The following MASP2 variants were observed in gnomAD, a reference collection of about 807,000 sequenced individuals.
The protein encoded by MASP2 is mannan-binding lectin serine protease 2.
In MASP2, 49 loss-of-function variants were observed where a neutral mutation model predicts 57.1. That is an observed-to-expected ratio of 0.86 (90% CI 0.68 to 1.09). The LOEUF (loss-of-function observed/expected upper bound fraction) is 1.09. MASP2 is among the 50% of genes least tolerant of loss of function. The pLI is 0.00. For missense variants in MASP2, 900 were observed against 874.8 expected (o/e 1.03, Z -0.36); for synonymous variants, 379 against 340.8 (o/e 1.11, Z -1.24).
chr1:11,031,955 A>C (rs545501267), intron 8 of MASP2, among the ~76,000 whole-genome samples: 2 of 152,220 alleles, frequency 1.3e-5, no homozygotes, highest in African/African-American at 4.8e-5. Flanking sequence ...TAATAAATTG[A>C]AGTTTTTAGA....
At chr1:11,043,154 C>A (rs1046418451) in intron 5 of MASP2, 132 bp from the exon 6 acceptor site, 4 of 1,058,232 alleles carry the variant, frequency 3.8e-6, no homozygotes, top group Non-Finnish European at 5.5e-6. Context: ...TGGGGTGCCC[C>A]TCCCCACTCT....
chr1:11,030,275 A>G, intron 9 of MASP2, 25 bp from the exon 10 acceptor site: 2 of 1,528,838 alleles, frequency 1.3e-6, no homozygotes, highest in South Asian at 1.1e-5. Flanking sequence ...AAAAGCAAAA[A>G]TGTTTAACTG....
In MASP2 at chr1:11,027,178, T is replaced by C; in HGVS notation, c.1768A>G (p.Ile590Val). 6.2e-7 allele frequency: 1 copy of C among 1,614,236 alleles called. No individual in the cohort carries two copies. The highest frequency in any genetic ancestry group is 8.5e-7 in the Non-Finnish European group (1 of 1,180,054). Residue 590 changes from isoleucine (I) to valine (V), a missense_variant, in exon 11 of 11, where the codon ATA becomes GTA. Ile to Val is a conservative substitution (Grantham distance 29, BLOSUM62 3). Coordinates refer to ENST00000400897, the MANE Select transcript of MASP2 (RefSeq NM_006610.4). Reference sequence around the variant, plus strand: ...CATTTTTGATGGTCAACAATCGGTATGTCGACATACATTAGATTTCTAGCA... The same window carrying C: ...CATTTTTGATGGTCAACAATCGGTACGTCGACATACATTAGATTTCTAGCA... ...FLARNLMYVDIPIVDHQKCTA... is the reference protein window; with the variant it reads ...FLARNLMYVDVPIVDHQKCTA...
rs776835079 is a variant in MASP2 at position 11,037,741 on chromosome 1, C to G, written c.960G>C (p.Leu320=). The change falls in exon 7 of 11, where the codon CTG becomes CTC. Residue 320 remains leucine, a synonymous_variant. Coordinates refer to ENST00000400897, the MANE Select transcript of MASP2 (RefSeq NM_006610.4). ...CGCAAAAGATGGAGAAGCTGTCTTT[C>G]AGGATGTATTTGGCTTGCACAGGTG... The part of the protein sequence containing the change: ...HVSPVQAKYI[L]KDSFSIFCET... 4.5e-5 allele frequency: 72 copies of G among 1,612,936 alleles called. No individual in the cohort carries two copies. Among genetic ancestry groups the G allele is most frequent in the Non-Finnish European group, 5.8e-5 (69 of 1,179,674 alleles).
At chr1:11,029,949 C>T in intron 10 of MASP2, 1 of 391,376 alleles carries the variant, frequency 2.6e-6, no homozygotes, top group South Asian at 5.4e-5. Context: ...TTATGCTTGC[C>T]TAGTTATAAG....
chr1:11,045,247 G>T, intron 4 of MASP2, 161 bp downstream of exon 4: 2 of 1,053,094 alleles, frequency 1.9e-6, no homozygotes, highest in East Asian at 2.5e-5. Flanking sequence ...CTGCTGAGAG[G>T]GGAAGCAGGG....
intron 6 of MASP2, 54 bp from the exon 7 acceptor site, chr1:11,037,865 A>G: frequency 9.8e-7 from 1 of 1,021,406 alleles, no homozygotes; most frequent in South Asian, 1.5e-5. Flanking sequence ...AGCAGCCAAG[A>G]CTGAATCGAG....
chr1:11,032,101 T>G (rs1229052707), intron 8 of MASP2, among the ~76,000 whole-genome samples: 1 of 151,208 alleles, frequency 6.6e-6, no homozygotes, highest in Non-Finnish European at 1.5e-5. Flanking sequence ...GCTGGGTATG[T>G]GGCACGTGCC....
At position 11,027,149 on chromosome 1, in the gene MASP2, A is replaced by G. The variant is rs1643749664; in HGVS notation, c.1797T>C (p.Thr599=). The change falls in exon 11 of 11, where the codon ACT becomes ACC. Residue 599 remains threonine (T), a synonymous_variant. Transcript: ENST00000400897. The part of the protein sequence containing the change: ...DIPIVDHQKC[T]AAYEKPPYPR... ...GATAGGGTGGCTTTTCATATGCAGC[A>G]GTACATTTTTGATGGTCAACAATCG... The G allele has an allele frequency of 6.2e-7, 1 of 1,613,970 alleles. No homozygotes were observed. Among genetic ancestry groups the G allele is most frequent in the Non-Finnish European group, 8.5e-7 (1 of 1,179,976 alleles).
intron 6 of MASP2, among the ~76,000 whole-genome samples, chr1:11,039,860 A>C (rs368156687): frequency 4.3e-4 from 54 of 126,166 alleles, no homozygotes; most frequent in African/African-American, 1.5e-3. Context: ...AGGTAGGTGG[A>C]TAGAAGGATG....
Position 11,026,879 on chromosome 1 carries a change from C to A in MASP2, c.*6G>T, listed in dbSNP as rs777732467. 6.1e-6 allele frequency: 9 copies of A among 1,473,656 alleles called. No homozygotes were observed. Among genetic ancestry groups the A allele is most frequent in the African/African-American group, 1.4e-5 (1 of 69,736 alleles). The allele number at this position is 1,473,656 out of a possible 1,614,324, so 91.3% of individuals were successfully genotyped here. On this transcript the variant is annotated 3_prime_UTR_variant, in exon 11 of 11. Coordinates refer to ENST00000400897, the MANE Select transcript of MASP2 (RefSeq NM_006610.4). The stretch of plus-strand genomic sequence containing the variant: ...AATGAAGAATCCTTGACTGCAGACA[C>A]GCAAGTTAAAAATCACTAATTATGT...
intron 4 of MASP2, 33 bp from the exon 5 acceptor site, chr1:11,043,568 C>T (rs761850554): frequency 4.6e-6 from 7 of 1,507,186 alleles, no homozygotes; most frequent in Admixed American, 1.9e-5. Context: ...AGTGACTTGG[C>T]GTGCCCTCTA....
At chr1:11,042,629 G>C (rs1638495597) in intron 6 of MASP2, among the ~76,000 whole-genome samples, 2 of 152,040 alleles carry the variant, frequency 1.3e-5, no homozygotes, top group Admixed American at 6.5e-5. Context: ...GTAAAAGGAT[G>C]AGTGGATGGG....
chr1:11,034,621 C>T (rs1006401587), intron 8 of MASP2, among the ~76,000 whole-genome samples: 1 of 149,194 alleles, frequency 6.7e-6, no homozygotes, highest in Non-Finnish European at 1.5e-5. Flanking sequence ...TTGCTTAAGC[C>T]TGGAAAGATA....
chr1:11,027,116 TC>T lies in MASP2; in HGVS notation c.1829del (p.Gly610GlufsTer3). On this transcript the variant is annotated frameshift_variant, in exon 11 of 11. Transcript: ENST00000400897. LOFTEE classifies it high-confidence loss of function. The stretch of plus-strand genomic sequence containing the variant: ...CACAAAGCATGTTAGCAGTTACACT[TC>T]CCCTTGGATAGGGTGGCTTTTCATA... ...AAYEKPPYPRGSVTANMLCAG... is the reference protein window; with the variant it reads ...AAYEKPPYPRXSVTANMLCAG... 6.2e-7 allele frequency: 1 copy of T among 1,610,810 alleles called. No homozygotes were observed. Among genetic ancestry groups the T allele is most frequent in the Non-Finnish European group, 8.5e-7 (1 of 1,178,208 alleles).
chr1:11,030,319 C>A, intron 9 of MASP2, 69 bp from the exon 10 acceptor site: 1 of 1,083,872 alleles, frequency 9.2e-7, no homozygotes, highest in Non-Finnish European at 1.4e-6. Flanking sequence ...GCTTGAATAC[C>A]CCCTTGAAAA....
At chr1:11,033,926 G>GAC (rs762078074) in intron 8 of MASP2, among the ~76,000 whole-genome samples, 4,684 of 140,024 alleles carry the variant, frequency 0.033, 105 homozygotes, top group Middle Eastern at 0.048. Flanking sequence ...GTGAGACTCC[G>GAC]ACACACACAC....
At chr1:11,029,445 A>T (rs1259750781) in intron 10 of MASP2, among the ~76,000 whole-genome samples, 3 of 151,702 alleles carry the variant, frequency 2.0e-5, no homozygotes, top group Non-Finnish European at 4.4e-5. Context: ...CTTTGGAGCC[A>T]ATTCTGGTTA....
chr1:11,038,655 C>T (rs1190012850), intron 6 of MASP2, among the ~76,000 whole-genome samples: 1 of 152,214 alleles, frequency 6.6e-6, no homozygotes, highest in Non-Finnish European at 1.5e-5. Context: ...GTGCCCCTGA[C>T]CCAGCCTGTG....
Sources: gnomAD v4.1 joint callset for allele counts (sites outside exome capture counted in the v4.1 genomes callset) on GRCh38, gnomAD v4.1.1 for gene constraint, MANE v1.5 for transcripts, NCBI Gene and HGNC (gene_info 2026-07-23, HGNC 2026-07-21) for gene names.